Variants in ADAMTS18 observed in about 807,000 individuals in gnomAD.
The protein encoded by ADAMTS18 is ADAM metallopeptidase with thrombospondin type 1 motif 18.
ADAMTS18 carries 157 observed loss-of-function variants against 165.9 expected under a neutral mutation model. That is an observed-to-expected ratio of 0.95 (90% CI 0.83 to 1.08). ADAMTS18 has a LOEUF of 1.08. Among genes scored for constraint, ADAMTS18 ranks in the 50% least tolerant of loss-of-function variants. The probability of loss-of-function intolerance (pLI) is 0.00; values close to 1 mark genes in which losing one functional copy is unlikely to be tolerated. For synonymous variants in ADAMTS18, 782 were observed against 578.2 expected (o/e 1.35, Z -5.06); for missense variants, 2,040 against 1,534.0 (o/e 1.33, Z -5.51).
intron 3 of ADAMTS18, among the ~76,000 whole-genome samples, chr16:77,413,807 G>GAA (rs34499809): frequency 0.11 from 13,248 of 124,048 alleles, 1,359 homozygotes; most frequent in Non-Finnish European, 0.14. Context: ...GTTTCCATCT[G>GAA]AAAAAAAAAA....
At chr16:77,321,029 G>A (rs768445342) in intron 15 of ADAMTS18, 50 bp downstream of exon 15, 2 of 1,612,780 alleles carry the variant, frequency 1.2e-6, no homozygotes, top group East Asian at 4.5e-5. Flanking sequence ...AACTTGTTTG[G>A]TAGCAAAAGT....
chr16:77,308,970 C>A (rs2055731028), intron 16 of ADAMTS18, among the ~76,000 whole-genome samples: 1 of 152,166 alleles, frequency 6.6e-6, no homozygotes, highest in East Asian at 1.9e-4. Context: ...AATGCAGTCA[C>A]TGATACATAA....
intron 16 of ADAMTS18, among the ~76,000 whole-genome samples, chr16:77,315,232 A>G (rs937059217): frequency 6.6e-6 from 1 of 152,126 alleles, no homozygotes; most frequent in African/African-American, 2.4e-5. Flanking sequence ...AATCTGAATA[A>G]TAGATTGCAT....
chr16:77,406,059 A>G (rs2057389667), intron 3 of ADAMTS18, among the ~76,000 whole-genome samples: 1 of 152,200 alleles, frequency 6.6e-6, no homozygotes, highest in Admixed American at 6.5e-5. Flanking sequence ...CAAACCTGAC[A>G]AGGGTACAAC....
chr16:77,293,000 T>C, intron 20 of ADAMTS18, 76 bp downstream of exon 20: 2 of 1,589,554 alleles, frequency 1.3e-6, no homozygotes, highest in East Asian at 2.2e-5. Context: ...TTTGTATTTT[T>C]AGTAGAGACA....
chr16:77,430,677 A>C (rs1359461817), intron 3 of ADAMTS18, among the ~76,000 whole-genome samples: 2 of 152,226 alleles, frequency 1.3e-5, no homozygotes, highest in African/African-American at 2.4e-5. Flanking sequence ...CCTGGTGCTC[A>C]GCAGATGAGG....
chr16:77,332,644 C>A lies in ADAMTS18; in HGVS notation c.1859+3112G>T, dbSNP rs183148592. 5.3e-5 allele frequency among the ~76,000 whole-genome samples: 8 copies of A among 152,300 alleles called. No individual in the cohort carries two copies. In the East Asian group the frequency reaches 1.5e-3, roughly 29 times the overall value. ...GGCTCTGTCTACATCATTCTGCCAA[C>A]TGGAAAATCTACATCTCACACATGT... On this transcript the variant is annotated intron_variant, in intron 12 of 22. Transcript: ENST00000282849.
At chr16:77,314,481 GC>G (rs1382273553) in intron 16 of ADAMTS18, among the ~76,000 whole-genome samples, 1 of 150,928 alleles carries the variant, frequency 6.6e-6, no homozygotes, top group African/African-American at 2.4e-5. Flanking sequence ...GCATGGTAGT[GC>G]ACGCCTGTAA....
chr16:77,416,161 G>C (rs1422686968), intron 3 of ADAMTS18, among the ~76,000 whole-genome samples: 1 of 152,144 alleles, frequency 6.6e-6, no homozygotes, highest in African/African-American at 2.4e-5. Flanking sequence ...TTTGCATAGG[G>C]AACTGAGGGA....
At chr16:77,340,924 T>G (rs767472287) in intron 11 of ADAMTS18, among the ~76,000 whole-genome samples, 5 of 152,290 alleles carry the variant, frequency 3.3e-5, no homozygotes, top group Admixed American at 1.3e-4. Flanking sequence ...TTATACTGCC[T>G]TGAGACAGAG....
chr16:77,427,158 C>A (rs2057683909), intron 3 of ADAMTS18, among the ~76,000 whole-genome samples: 3 of 152,182 alleles, frequency 2.0e-5, no homozygotes, highest in Admixed American at 2.0e-4. Flanking sequence ...TGTGTCCAGC[C>A]TCCCTGAGCT....
At position 77,350,753 on chromosome 16, in the gene ADAMTS18, C is replaced by A. The variant is rs899044835; in HGVS notation, c.1614+2980G>T. On this transcript the variant is annotated intron_variant, in intron 10 of 22. Transcript: ENST00000282849. ...TAGAATATGGGTTTCTGGGTCCTAG[C>A]CCCAAAATTTCTCATTCCTTAGGCC... Among the ~76,000 whole-genome samples, 4 of 152,108 alleles carry A rather than the reference C, an allele frequency of 2.6e-5. No homozygotes were observed. The South Asian group carries it at 8.3e-4, about 32-fold the overall frequency.
rs796257322 is a variant in ADAMTS18, at chr16:77,322,505, G to C, written c.2033-39C>G. 3 of 1,608,234 alleles carry C rather than the reference G, an allele frequency of 1.9e-6. No homozygotes were observed. In the East Asian group the frequency reaches 6.7e-5, roughly 36 times the overall value. On this transcript the variant is annotated intron_variant, in intron 13 of 22. Transcript: ENST00000282849. ...GATCAAGATAGGAAATGGTCAAGAG[G>C]AAACTAAGGAAAAATGATAGGATTG...
Position 77,434,558 on chromosome 16 carries a change from G to C in ADAMTS18, c.90+48C>G, listed in dbSNP as rs1462825861. The C allele has an allele frequency of 9.8e-6, 15 of 1,531,830 alleles. No individual in the cohort carries two copies. In the Admixed American group the frequency reaches 2.4e-4, roughly 24 times the overall value. 94.9% of individuals were successfully genotyped at this position (1,531,830 alleles called of 1,614,324 possible). A position where few individuals can be genotyped will look rare whatever the true frequency, so the allele number is the denominator to read the frequency against. ...TGAGGGGCGCGGCGGGGCTGGCGTC[G>C]GGCGCCCCCTGCCACCCGCTCTCGG... is the stretch of plus-strand genomic sequence containing the variant. On this transcript the variant is annotated intron_variant, in intron 1 of 22. Transcript: ENST00000282849.
At chr16:77,376,383 G>A (rs1340003737) in intron 3 of ADAMTS18, among the ~76,000 whole-genome samples, 3 of 152,144 alleles carry the variant, frequency 2.0e-5, no homozygotes, top group Admixed American at 6.5e-5. Context: ...ACAAATCCAC[G>A]TGAGATTTGG....
At chr16:77,319,734 T>C (rs1597116968) in intron 16 of ADAMTS18, 115 bp downstream of exon 16, 2 of 1,554,616 alleles carry the variant, frequency 1.3e-6, no homozygotes, top group East Asian at 2.3e-5. Flanking sequence ...TGAGCCACCA[T>C]GCCCGGCCAG....
intron 12 of ADAMTS18, among the ~76,000 whole-genome samples, chr16:77,333,600 T>C (rs2144666684): frequency 6.6e-6 from 1 of 150,948 alleles, no homozygotes; most frequent in African/African-American, 2.4e-5. Context: ...AAGGAAGGAA[T>C]ACCCCAAAGA....
At position 77,325,786 on chromosome 16, in the gene ADAMTS18, A is replaced by G. The variant is rs1476331484; in HGVS notation, c.2032+80T>C. The G allele has an allele frequency of 3.5e-6, 5 of 1,414,956 alleles. No homozygotes were observed. In the African/African-American group the frequency reaches 7.1e-5, roughly 20 times the overall value. 87.7% of individuals were successfully genotyped at this position (1,414,956 alleles called of 1,614,324 possible). A position where few individuals can be genotyped will look rare whatever the true frequency, so the allele number is the denominator to read the frequency against. ...GTAAACATTCAAACTCTTTGATACA[A>G]GCAGCAATTTCTTCTGTATTGGTCA... On this transcript the variant is annotated intron_variant, in intron 13 of 22. Transcript: ENST00000282849.
At chr16:77,328,875 C>A (rs2056139976) in intron 12 of ADAMTS18, among the ~76,000 whole-genome samples, 1 of 152,186 alleles carries the variant, frequency 6.6e-6, no homozygotes, top group South Asian at 2.1e-4. Context: ...GAAGTGAGAA[C>A]CAGCTGACAA....
Sources: gnomAD v4.1 joint callset for allele counts (sites outside exome capture counted in the v4.1 genomes callset) on GRCh38, gnomAD v4.1.1 for gene constraint, MANE v1.5 for transcripts, NCBI Gene and HGNC (gene_info 2026-07-23, HGNC 2026-07-21) for gene names.